The following ANKFN1 variants were observed in gnomAD, a reference collection of about 807,000 sequenced individuals.
ANKFN1 encodes the protein ankyrin repeat and fibronectin type-III domain-containing protein 1.
ANKFN1 carries 74 observed loss-of-function variants against 108.7 expected under a neutral mutation model. The ratio of observed to expected loss-of-function variants is 0.68; its 90% confidence interval spans 0.56 to 0.83. ANKFN1 has a LOEUF of 0.83. Among genes scored for constraint, ANKFN1 ranks in the 40% least tolerant of loss-of-function variants. The pLI, the probability that ANKFN1 is intolerant of heterozygous loss-of-function variation, is 0.00. For missense variants in ANKFN1, 1,505 were observed against 1,382.3 expected, an observed-to-expected ratio of 1.09 and a Z score of -1.41; for synonymous variants, 547 against 516.2, an observed-to-expected ratio of 1.06 and a Z score of -0.81.
At chr17:56,236,372 A>G (rs1424410033) in intron 3 of ANKFN1, among the ~76,000 whole-genome samples, 2 of 152,012 alleles carry the variant, frequency 1.3e-5, no homozygotes, top group Non-Finnish European at 2.9e-5. Context: ...TTCTTTGAAC[A>G]ATGCTTTGTA....
intron 1 of ANKFN1, among the ~76,000 whole-genome samples, chr17:56,187,791 A>G (rs1776950184): frequency 6.6e-6 from 1 of 152,220 alleles, no homozygotes; most frequent in Admixed American, 6.5e-5. Context: ...AGGGACATGG[A>G]TGAAGCTGGA....
intron 1 of ANKFN1, among the ~76,000 whole-genome samples, chr17:56,208,426 C>T (rs952145922): frequency 5.3e-5 from 8 of 152,196 alleles, no homozygotes; most frequent in Non-Finnish European, 1.2e-4. Flanking sequence ...TTCACCCCCT[C>T]CCTGCCCCTC....
intron 8 of ANKFN1, among the ~76,000 whole-genome samples, chr17:56,378,565 A>T (rs758654679): frequency 4.6e-5 from 7 of 152,216 alleles, no homozygotes; most frequent in Non-Finnish European, 8.8e-5. Context: ...GGTCATAGGT[A>T]TGAGGTAGCT....
At chr17:56,476,800 A>G (rs73991544) in intron 15 of ANKFN1, among the ~76,000 whole-genome samples, 16,311 of 152,248 alleles carry the variant, frequency 0.11, 2,328 homozygotes, top group African/African-American at 0.33. Flanking sequence ...GCATTGTAAA[A>G]GTCAAATATA....
chr17:56,144,429 C>T (rs1908131282), intron 4 of ANKFN1, among the ~76,000 whole-genome samples: 2 of 152,194 alleles, frequency 1.3e-5, no homozygotes, highest in South Asian at 2.1e-4. Context: ...CACTAAAGTA[C>T]TTTGGCATGC....
chr17:56,387,637 A>G (rs754614375), intron 8 of ANKFN1, among the ~76,000 whole-genome samples: 14 of 152,176 alleles, frequency 9.2e-5, no homozygotes, highest in Non-Finnish European at 1.9e-4. Flanking sequence ...CCATTAGGTT[A>G]TAAAGTATGA....
Position 56,510,510 on chromosome 17 carries a change from A to G in ANKFN1, c.2682A>G (p.Glu894=), listed in dbSNP as rs1412357496. The G allele has an allele frequency of 6.5e-7, 1 of 1,536,054 alleles. No homozygotes were observed. Among genetic ancestry groups the G allele is most frequent in the Non-Finnish European group, 8.7e-7 (1 of 1,146,924 alleles). ...GCTCTGATGAAGAAGCCTGCTCAGA[A>G]GTCTTCCTCCCCACCAACAGTGACT... ...QPCSDEEACS[E]VFLPTNSDYD... The change falls in exon 21 of 21, where the codon GAA becomes GAG. Residue 894 remains glutamate, a synonymous_variant. Transcript: ENST00000682825.
intron 4 of ANKFN1, among the ~76,000 whole-genome samples, chr17:56,120,195 A>G (rs1906529400): frequency 1.3e-5 from 2 of 152,118 alleles, no homozygotes; most frequent in Admixed American, 6.6e-5. Context: ...TGTCATTATC[A>G]TTCCATAAAA....
At chr17:56,463,317 A>G (rs748648453) in intron 14 of ANKFN1, among the ~76,000 whole-genome samples, 27 of 152,226 alleles carry the variant, frequency 1.8e-4, no homozygotes, top group Non-Finnish European at 2.8e-4. Flanking sequence ...TTCTAGATTC[A>G]AATCCAGATT....
intron 4 of ANKFN1, among the ~76,000 whole-genome samples, chr17:56,055,569 A>ATATATATATG (rs1301029041): frequency 1.0e-5 from 1 of 99,204 alleles, no homozygotes; most frequent in Admixed American, 9.2e-5. Context: ...ATATATACAT[A>ATATATATATG]TATATATATA....
At chr17:56,354,598 G>A (rs568030052) in intron 6 of ANKFN1, among the ~76,000 whole-genome samples, 2 of 152,264 alleles carry the variant, frequency 1.3e-5, no homozygotes, top group African/African-American at 4.8e-5. Context: ...TAAACGCTGT[G>A]AAGAAAATAA....
chr17:56,449,703 C>T (rs530780079), intron 11 of ANKFN1, among the ~76,000 whole-genome samples: 2 of 152,256 alleles, frequency 1.3e-5, no homozygotes, highest in East Asian at 3.9e-4. Context: ...TGGTGTTCCC[C>T]AAGGTCACAA....
At chr17:56,284,172 T>C (rs1189587816) in intron 3 of ANKFN1, among the ~76,000 whole-genome samples, 2 of 152,134 alleles carry the variant, frequency 1.3e-5, no homozygotes, top group Non-Finnish European at 2.9e-5. Context: ...AGAGAAGAGA[T>C]TGATTTTCCT....
At chr17:56,172,458 T>C (rs1252607463) in intron 1 of ANKFN1, among the ~76,000 whole-genome samples, 3 of 151,998 alleles carry the variant, frequency 2.0e-5, no homozygotes, top group African/African-American at 7.3e-5. Context: ...TGGGAGGAAC[T>C]GTATCCAGCA....
chr17:56,352,523 G>A (rs1295881171), intron 5 of ANKFN1, among the ~76,000 whole-genome samples: 1 of 152,140 alleles, frequency 6.6e-6, no homozygotes, highest in Non-Finnish European at 1.5e-5. Flanking sequence ...ACGTGTGTTG[G>A]TCTTCTCCCA....
At chr17:56,494,297 T>A (rs897905690) in intron 19 of ANKFN1, among the ~76,000 whole-genome samples, 1 of 152,152 alleles carries the variant, frequency 6.6e-6, no homozygotes, top group Non-Finnish European at 1.5e-5. Flanking sequence ...ATTTAAACAT[T>A]CAAAACATTT....
At chr17:56,176,031 T>A (rs1350550220) in intron 1 of ANKFN1, among the ~76,000 whole-genome samples, 1 of 151,910 alleles carries the variant, frequency 6.6e-6, no homozygotes, top group African/African-American at 2.4e-5. Flanking sequence ...ATCTATTTAT[T>A]TGATTTTTGC....
chr17:56,164,044 T>C (rs1436085336), intron 1 of ANKFN1, among the ~76,000 whole-genome samples: 1 of 152,204 alleles, frequency 6.6e-6, no homozygotes, highest in African/African-American at 2.4e-5. Flanking sequence ...TAATCCCCCA[T>C]GTGAGTCAAA....
intron 4 of ANKFN1, among the ~76,000 whole-genome samples, chr17:56,106,930 G>C (rs1905762682): frequency 6.6e-6 from 1 of 152,180 alleles, no homozygotes; most frequent in South Asian, 2.1e-4. Flanking sequence ...GACACACTGA[G>C]AGGTTTTTAC....
Sources: gnomAD v4.1 joint callset for allele counts (sites outside exome capture counted in the v4.1 genomes callset) on GRCh38, gnomAD v4.1.1 for gene constraint, MANE v1.5 for transcripts, NCBI Gene and HGNC (gene_info 2026-07-23, HGNC 2026-07-21) for gene names.